Variants in CPED1 observed in about 807,000 individuals in gnomAD.
CPED1 encodes the protein cadherin like and PC-esterase domain containing 1, also known as cadherin-like and PC-esterase domain-containing protein 1.
A neutral mutation model predicts 128.2 loss-of-function variants in CPED1; 114 were observed. The observed-to-expected ratio is 0.89, with a 90% CI of 0.76 to 1.04. CPED1 has a LOEUF of 1.04. Ranked by LOEUF, CPED1 falls within the 50% of genes least tolerant of loss-of-function variation. The pLI, the probability that CPED1 is intolerant of heterozygous loss-of-function variation, is 0.00. For synonymous variants in CPED1, 462 were observed against 426.7 expected, an observed-to-expected ratio of 1.08 and a Z score of -1.02; for missense variants, 1,211 against 1,207.1, an observed-to-expected ratio of 1.00 and a Z score of -0.05.
At chr7:120,998,778 G>C (rs1004688883) in intron 2 of CPED1, among the ~76,000 whole-genome samples, 4 of 150,762 alleles carry the variant, frequency 2.7e-5, no homozygotes, top group Non-Finnish European at 5.9e-5. Flanking sequence ...CGTCAGACTT[G>C]CTTATTTATA....
At chr7:121,266,678 C>T (rs201669027) in intron 19 of CPED1, 29 bp from the exon 20 acceptor site, 2 of 1,540,218 alleles carry the variant, frequency 1.3e-6, no homozygotes, top group East Asian at 2.3e-5. Context: ...TTTAGGGCAA[C>T]ATGTGTTGTT....
intron 16 of CPED1, among the ~76,000 whole-genome samples, chr7:121,175,999 A>G (rs1438990295): frequency 6.6e-6 from 1 of 151,988 alleles, no homozygotes; most frequent in Non-Finnish European, 1.5e-5. Context: ...ACTTGAGGTG[A>G]GTGCCCTCCT....
chr7:121,295,717 A>G lies in CPED1; in HGVS notation c.*65A>G, dbSNP rs1200861549. The G allele has an allele frequency of 4.3e-6, 6 of 1,385,714 alleles. No homozygotes were observed. In the South Asian group the frequency reaches 6.0e-5, roughly 14 times the overall value. 85.8% of individuals were successfully genotyped at this position (1,385,714 alleles called of 1,614,324 possible). ...CTAGTCACCCGGACAATGGTCTAGGAGCCAAGCGCTGCACATCGCACACAT... is the reference window on the plus strand; with the variant it reads ...CTAGTCACCCGGACAATGGTCTAGGGGCCAAGCGCTGCACATCGCACACAT... On this transcript the variant is annotated 3_prime_UTR_variant, in exon 23 of 23. Transcript: ENST00000310396.
intron 7 of CPED1, among the ~76,000 whole-genome samples, chr7:121,102,056 A>G (rs914683973): frequency 6.6e-6 from 1 of 152,122 alleles, no homozygotes; most frequent in Non-Finnish European, 1.5e-5. Context: ...TGTATAACTT[A>G]AATGCTCATG....
chr7:121,136,473 T>C (rs1795788162), intron 14 of CPED1, among the ~76,000 whole-genome samples: 1 of 152,098 alleles, frequency 6.6e-6, no homozygotes, highest in Admixed American at 6.6e-5. Flanking sequence ...AGTACTTGAG[T>C]AGAATTTTCT....
intron 7 of CPED1, among the ~76,000 whole-genome samples, chr7:121,117,107 A>C (rs2116287454): frequency 6.9e-6 from 1 of 145,020 alleles, no homozygotes; most frequent in African/African-American, 2.5e-5. Flanking sequence ...ATAAATATAT[A>C]TATATATGTT....
intron 2 of CPED1, among the ~76,000 whole-genome samples, chr7:121,002,993 T>C (rs1044244256): frequency 3.9e-5 from 6 of 152,206 alleles, no homozygotes; most frequent in Admixed American, 2.0e-4. Context: ...TACTGTCAGC[T>C]GGATCAGGGC....
intron 22 of CPED1, among the ~76,000 whole-genome samples, chr7:121,277,763 A>T (rs1792358634): frequency 6.6e-6 from 1 of 152,140 alleles, no homozygotes; most frequent in Admixed American, 6.6e-5. Context: ...AAGAAAAGAA[A>T]ATACGTCATC....
chr7:121,142,496 A>G (rs1795929852), intron 16 of CPED1, among the ~76,000 whole-genome samples: 1 of 152,048 alleles, frequency 6.6e-6, no homozygotes, highest in African/African-American at 2.4e-5. Flanking sequence ...TTGAAATGTT[A>G]AACTAGATTT....
At chr7:120,992,454 C>A (rs2116728367) in intron 2 of CPED1, among the ~76,000 whole-genome samples, 1 of 152,184 alleles carries the variant, frequency 6.6e-6, no homozygotes, top group East Asian at 1.9e-4. Context: ...ATGTGAAGAT[C>A]TTTGGGGGGA....
chr7:121,032,519 C>T (rs10245811), intron 3 of CPED1, among the ~76,000 whole-genome samples: 42,996 of 131,510 alleles, frequency 0.33, 7,047 homozygotes, highest in East Asian at 0.46. Flanking sequence ...GAACATCATA[C>T]CGCGGGGGGG....
At chr7:121,057,581 A>T (rs1032114064) in intron 4 of CPED1, among the ~76,000 whole-genome samples, 3 of 152,254 alleles carry the variant, frequency 2.0e-5, no homozygotes, top group Non-Finnish European at 4.4e-5. Flanking sequence ...GCTTTACACT[A>T]AATTTACACA....
intron 16 of CPED1, among the ~76,000 whole-genome samples, chr7:121,232,313 T>C (rs996193016): frequency 6.6e-6 from 1 of 152,102 alleles, no homozygotes; most frequent in Non-Finnish European, 1.5e-5. Flanking sequence ...TTAGAAGGGT[T>C]TGCTTACCAT....
chr7:121,049,111 C>G (rs746254347), intron 4 of CPED1, among the ~76,000 whole-genome samples: 5 of 152,140 alleles, frequency 3.3e-5, no homozygotes, highest in African/African-American at 7.2e-5. Context: ...TTGTATTAGG[C>G]TTCCAGGAAG....
chr7:121,027,610 A>G (rs1765379357), intron 3 of CPED1, among the ~76,000 whole-genome samples: 1 of 151,956 alleles, frequency 6.6e-6, no homozygotes, highest in Non-Finnish European at 1.5e-5. Context: ...AGCTCAACCA[A>G]CTGAGGAACA....
At chr7:121,133,047 A>G (rs985257059) in intron 12 of CPED1, among the ~76,000 whole-genome samples, 3 of 152,096 alleles carry the variant, frequency 2.0e-5, no homozygotes, top group Non-Finnish European at 4.4e-5. Flanking sequence ...GTTATTTAAC[A>G]AAGAAAATTG....
chr7:121,255,316 T>G (rs944145226), intron 18 of CPED1, among the ~76,000 whole-genome samples: 2 of 152,050 alleles, frequency 1.3e-5, no homozygotes, highest in African/African-American at 4.8e-5. Context: ...AGTCACATAA[T>G]CATCTCAATA....
intron 8 of CPED1, among the ~76,000 whole-genome samples, chr7:121,124,791 G>A (rs999494515): frequency 6.6e-6 from 1 of 152,076 alleles, no homozygotes; most frequent in African/African-American, 2.4e-5. Context: ...CATTGACTAG[G>A]TATAATTTTA....
At chr7:120,991,960 G>A (rs887199444) in intron 2 of CPED1, among the ~76,000 whole-genome samples, 7 of 152,094 alleles carry the variant, frequency 4.6e-5, no homozygotes, top group Non-Finnish European at 1.0e-4. Context: ...ATTTGAGACA[G>A]AAAGGAAGTG....
Sources: gnomAD v4.1 joint callset for allele counts (sites outside exome capture counted in the v4.1 genomes callset) on GRCh38, gnomAD v4.1.1 for gene constraint, MANE v1.5 for transcripts, NCBI Gene and HGNC (gene_info 2026-07-23, HGNC 2026-07-21) for gene names.